ATF3: variants seen among roughly 807,000 people sequenced by gnomAD.
ATF3 encodes activating transcription factor 3.
ATF3 carries 10 observed loss-of-function variants against 18.4 expected under a neutral mutation model. The ratio of observed to expected loss-of-function variants is 0.54; its 90% CI spans 0.34 to 0.92. The LOEUF (loss-of-function observed/expected upper bound fraction) is 0.92. Ranked by LOEUF, ATF3 falls within the 40% of genes least tolerant of loss-of-function variation. The probability of loss-of-function intolerance (pLI) is 0.02; values close to 1 mark genes in which losing one functional copy is unlikely to be tolerated. For synonymous variants in ATF3, 78 were observed against 87.9 expected, an observed-to-expected ratio of 0.89 and a Z score of 0.63; for missense variants, 183 against 222.3, an observed-to-expected ratio of 0.82 and a Z score of 1.12.
At chr1:212,613,237 C>T (rs1353724096) in intron 1 of ATF3, among the ~76,000 whole-genome samples, 1 of 152,174 alleles carries the variant, frequency 6.6e-6, no homozygotes, top group Admixed American at 6.5e-5. Flanking sequence ...CCCGAGGAAT[C>T]TTTACTTAGC....
chr1:212,618,398 C>T lies in ATF3; in HGVS notation c.348+164C>T. On this transcript the variant is annotated intron_variant, in intron 3 of 3. Transcript: ENST00000341491. The surrounding 1 kb of genome is among the most constrained non-coding windows in gnomAD (Gnocchi z 4.4). ...TGCCAGTTGCAGAATGAGGAGGTGGCAAAGCAGTTAACACAATGGATGTGA... is the reference window on the plus strand; with the variant it reads ...TGCCAGTTGCAGAATGAGGAGGTGGTAAAGCAGTTAACACAATGGATGTGA... The T allele has an allele frequency of 1.3e-6, 1 of 759,068 alleles. No homozygotes were observed. The allele number at this position is 759,068 out of a possible 1,614,324, so 47.0% of individuals were successfully genotyped here. A position where few individuals can be genotyped will look rare whatever the true frequency, so the allele number is the denominator to read the frequency against.
intron 1 of ATF3, among the ~76,000 whole-genome samples, chr1:212,597,032 A>G (rs1014466635): frequency 6.6e-6 from 1 of 152,256 alleles, no homozygotes; most frequent in Non-Finnish European, 1.5e-5. Flanking sequence ...TATTCCTCAC[A>G]GCACTTTTAT....
At chr1:212,603,876 C>A (rs1383811821), upstream of ATF3, among the ~76,000 whole-genome samples, 4 of 151,520 alleles carry the variant, frequency 2.6e-5, no homozygotes, top group Non-Finnish European at 5.9e-5. Context: ...ATATACCATT[C>A]GAGGTAATAA....
upstream of ATF3, among the ~76,000 whole-genome samples, chr1:212,605,343 C>G (rs1467337976): frequency 2.0e-5 from 3 of 152,146 alleles, no homozygotes; most frequent in Non-Finnish European, 4.4e-5. Context: ...ACTAGCAATC[C>G]CCACATTCAA....
At chr1:212,611,818 A>G (rs549511512) in intron 1 of ATF3, among the ~76,000 whole-genome samples, 2 of 152,370 alleles carry the variant, frequency 1.3e-5, no homozygotes, top group East Asian at 3.9e-4. Flanking sequence ...GAAACTGCCA[A>G]TGATACAACA....
chr1:212,611,147 A>T lies in ATF3; in HGVS notation c.-5+2217A>T, dbSNP rs77115784. Among the ~76,000 whole-genome samples the T allele has an allele frequency of 1.6e-3, 248 of 152,346 alleles. 1 individual carries two copies. The highest frequency in any genetic ancestry group is 2.8e-3 in the Non-Finnish European group (190 of 68,032). On this transcript the variant is annotated intron_variant, in intron 1 of 3. Transcript: ENST00000341491. Reference sequence around the variant, plus strand: ...GCTTTCCAAGGGAGAAATGGTTTATATGTGAGAATTGGTTCTCTTTCAAAT... The same window carrying T: ...GCTTTCCAAGGGAGAAATGGTTTATTTGTGAGAATTGGTTCTCTTTCAAAT...
intron 1 of ATF3, among the ~76,000 whole-genome samples, chr1:212,585,180 G>C (rs2102629578): frequency 6.6e-6 from 1 of 152,330 alleles, no homozygotes; most frequent in East Asian, 1.9e-4. Flanking sequence ...TAACAGAGCT[G>C]GGGGGTGAAA....
At chr1:212,594,730 C>T (rs1317906389) in intron 1 of ATF3, among the ~76,000 whole-genome samples, 3 of 152,176 alleles carry the variant, frequency 2.0e-5, no homozygotes, top group Non-Finnish European at 4.4e-5. Flanking sequence ...TGAAGCGCCC[C>T]GCCTGATCCC....
chr1:212,590,024 T>C (rs937570440), intron 1 of ATF3, among the ~76,000 whole-genome samples: 1 of 152,274 alleles, frequency 6.6e-6, no homozygotes, highest in Admixed American at 6.5e-5. Flanking sequence ...AGTTATAGGA[T>C]GTACTTAAGC....
rs546591079 is a variant in ATF3, at chr1:212,616,270, A to AACAC, written c.240+1025_240+1028dup. On this transcript the variant is annotated intron_variant, in intron 2 of 3. Coordinates refer to ENST00000341491, the MANE Select transcript of ATF3 (RefSeq NM_001674.4). ...TTTGAGCAGAGAAGCAACAAGATTCAACACACACACACACACACAGATACA... is the reference window on the plus strand; with the variant it reads ...TTTGAGCAGAGAAGCAACAAGATTCAACACACACACACACACACACACAGATACA... Among the ~76,000 whole-genome samples, 97 of 150,498 alleles carry AACAC rather than the reference A, an allele frequency of 6.4e-4. 1 individual carries two copies. Among genetic ancestry groups the AACAC allele is most frequent in the African/African-American group, 2.1e-3 (87 of 41,052 alleles).
intron 1 of ATF3, among the ~76,000 whole-genome samples, chr1:212,579,312 G>A (rs1438630737): frequency 6.6e-6 from 1 of 152,084 alleles, no homozygotes; most frequent in Non-Finnish European, 1.5e-5. Context: ...GACTTCTGGA[G>A]CCTTTTTATT....
At chr1:212,582,449 C>T (rs1238998709) in intron 1 of ATF3, among the ~76,000 whole-genome samples, 3 of 152,350 alleles carry the variant, frequency 2.0e-5, no homozygotes, top group African/African-American at 7.2e-5. Flanking sequence ...AGAACTTCTC[C>T]AAGGGGAGGG....
chr1:212,592,445 C>CAGTT (rs150504357), intron 1 of ATF3, among the ~76,000 whole-genome samples: 40,722 of 139,076 alleles, frequency 0.29, 6,306 homozygotes, highest in African/African-American at 0.44. Flanking sequence ...TGTCATTTTA[C>CAGTT]AGTTAGACAG....
intron 2 of ATF3, among the ~76,000 whole-genome samples, 175 bp from the exon 3 acceptor site, chr1:212,617,952 T>C (rs1655201679): frequency 6.6e-6 from 1 of 151,478 alleles, no homozygotes; most frequent in African/African-American, 2.4e-5. Context: ...TGTGCGTGTG[T>C]GTGTGTGTGT....
At position 212,619,148 on chromosome 1, in the gene ATF3, G is replaced by T; in HGVS notation, c.349-210G>T. On this transcript the variant is annotated intron_variant, in intron 3 of 3. Coordinates refer to ENST00000341491, the MANE Select transcript of ATF3 (RefSeq NM_001674.4). The surrounding 1 kb of genome is among the most constrained non-coding windows in gnomAD (Gnocchi z 4.4). Reference sequence around the variant, plus strand: ...TTCAGTATTAGCAGAGCCACAGGCCGCCTCTGTGGCATCACCAGGGTTTCT... The same window carrying T: ...TTCAGTATTAGCAGAGCCACAGGCCTCCTCTGTGGCATCACCAGGGTTTCT... 6.2e-7 allele frequency: 1 copy of T among 1,613,814 alleles called. No individual in the cohort carries two copies. The highest frequency in any genetic ancestry group is 8.5e-7 in the Non-Finnish European group (1 of 1,180,030).
intron 1 of ATF3, among the ~76,000 whole-genome samples, chr1:212,609,252 C>T (rs1208269765): frequency 1.3e-5 from 2 of 152,022 alleles, no homozygotes; most frequent in African/African-American, 2.4e-5. Context: ...CTGGCTTGCC[C>T]GGCTGGGAGA....
chr1:212,609,189 C>T (rs904201755), intron 1 of ATF3, among the ~76,000 whole-genome samples: 61 of 152,254 alleles, frequency 4.0e-4, no homozygotes, highest in African/African-American at 1.4e-3. Context: ...TGACGGAGGT[C>T]GGGCGTCCAC....
At chr1:212,590,131 C>T (rs887073805) in intron 1 of ATF3, among the ~76,000 whole-genome samples, 1 of 151,862 alleles carries the variant, frequency 6.6e-6, no homozygotes, top group Non-Finnish European at 1.5e-5. Context: ...GAAAGACATG[C>T]TTTTATTTTT....
chr1:212,572,255 G>A (rs1296243671), intron 1 of ATF3, among the ~76,000 whole-genome samples: 4 of 152,032 alleles, frequency 2.6e-5, no homozygotes, highest in South Asian at 4.2e-4. Flanking sequence ...GGTGGTTCAC[G>A]TCTGTAATCT....
Sources: gnomAD v4.1 joint callset for allele counts (sites outside exome capture counted in the v4.1 genomes callset) on GRCh38, gnomAD v4.1.1 for gene constraint, Gnocchi (gnomAD v3.1) non-coding constraint, MANE v1.5 for transcripts, NCBI Gene and HGNC (gene_info 2026-07-23, HGNC 2026-07-21) for gene names.